Variants in LRBA observed in about 807,000 individuals in gnomAD.
LRBA encodes the protein lipopolysaccharide-responsive and beige-like anchor protein.
A neutral mutation model predicts 330.0 loss-of-function variants in LRBA; 176 were observed. That is an observed-to-expected ratio of 0.53 (90% CI 0.47 to 0.60). The LOEUF (loss-of-function observed/expected upper bound fraction) is 0.60, where lower values mean the gene tolerates loss of function less well. LRBA is among the 20% of genes least tolerant of loss of function. The pLI is 0.00. For synonymous variants in LRBA, 1,230 were observed against 1,193.0 expected (o/e 1.03, Z -0.64); for missense variants, 3,259 against 3,444.8 (o/e 0.95, Z 1.35).
chr4:150,410,754 T>C (rs539842035), intron 47 of LRBA, among the ~76,000 whole-genome samples: 1 of 152,322 alleles, frequency 6.6e-6, no homozygotes, highest in South Asian at 2.1e-4. Flanking sequence ...GAATGAACTA[T>C]TATAATTTGA....
intron 42 of LRBA, among the ~76,000 whole-genome samples, chr4:150,475,810 G>A (rs2152073872): frequency 6.6e-6 from 1 of 152,040 alleles, no homozygotes; most frequent in Non-Finnish European, 1.5e-5. Context: ...AGGCTGAGAT[G>A]GGAGGGTGGC....
rs779532797 is a variant in LRBA at position 150,828,203 on chromosome 4, G to A, written c.5148C>T (p.Pro1716=). The A allele has an allele frequency of 7.8e-5, 126 of 1,614,016 alleles. No homozygotes were observed. Among genetic ancestry groups the A allele is most frequent in the Admixed American group, 1.3e-4 (8 of 59,994 alleles). Residue 1716 remains proline (P), a synonymous_variant, in exon 30 of 57, where the codon CCC becomes CCT. Coordinates refer to ENST00000651943, the MANE Select transcript of LRBA (RefSeq NM_001364905.1). The stretch of plus-strand genomic sequence containing the variant: ...ACCTGTCAAAAGATCTGAACTGCAC[G>A]GGTTGTTCCACAGATAGATCACCAA... The part of the protein sequence containing the change: ...GALGDLSVEQ[P]VQFRSFDRSV...
intron 17 of LRBA, among the ~76,000 whole-genome samples, chr4:150,878,553 C>T (rs1186622636): frequency 4.0e-5 from 6 of 150,610 alleles, no homozygotes; most frequent in Non-Finnish European, 5.9e-5. Context: ...ACCAGCAAAA[C>T]GAAAAGCTGG....
intron 13 of LRBA, 91 bp downstream of exon 13, chr4:150,905,747 A>G: frequency 8.5e-6 from 10 of 1,175,734 alleles, no homozygotes; most frequent in Non-Finnish European, 1.2e-5. Context: ...AATAGTACAT[A>G]AAAAAAAGAA....
intron 2 of LRBA, among the ~76,000 whole-genome samples, chr4:151,011,542 G>A (rs1744839138): frequency 2.0e-5 from 3 of 149,366 alleles, no homozygotes; most frequent in Non-Finnish European, 4.4e-5. Context: ...AGGTTGCAGG[G>A]AGGCAAGGTT....
intron 4 of LRBA, among the ~76,000 whole-genome samples, chr4:150,928,249 T>C (rs541940512): frequency 2.2e-4 from 34 of 152,340 alleles, no homozygotes; most frequent in African/African-American, 7.5e-4. Flanking sequence ...TTTATCTTTT[T>C]TTCTAATAAA....
intron 22 of LRBA, among the ~76,000 whole-genome samples, chr4:150,859,712 T>C (rs1377475509): frequency 3.3e-5 from 5 of 152,202 alleles, no homozygotes; most frequent in South Asian, 2.1e-4. Context: ...AAAACTGCAA[T>C]TGAGTTTCTT....
At chr4:150,917,697 C>G (rs1347035149) in intron 5 of LRBA, among the ~76,000 whole-genome samples, 2 of 152,104 alleles carry the variant, frequency 1.3e-5, no homozygotes, top group African/African-American at 4.8e-5. Context: ...GAGGCCAAGG[C>G]AGGCAGATCA....
At chr4:150,371,602 C>G (rs1740335868) in intron 47 of LRBA, among the ~76,000 whole-genome samples, 1 of 151,974 alleles carries the variant, frequency 6.6e-6, no homozygotes, top group Non-Finnish European at 1.5e-5. Context: ...TGGAGGAACT[C>G]CAGTCTAATG....
chr4:150,281,694 G>C (rs577180260), intron 55 of LRBA, among the ~76,000 whole-genome samples: 2 of 152,266 alleles, frequency 1.3e-5, no homozygotes, highest in African/African-American at 4.8e-5. Flanking sequence ...CCTCCAGCCT[G>C]ATTCTGGAAA....
chr4:150,404,384 AG>A (rs902798889), intron 47 of LRBA, among the ~76,000 whole-genome samples: 1 of 152,222 alleles, frequency 6.6e-6, no homozygotes, highest in African/African-American at 2.4e-5. Context: ...AGTATTTGTA[AG>A]TTTTTAGATT....
At chr4:150,577,979 C>G (rs1045823874) in intron 40 of LRBA, among the ~76,000 whole-genome samples, 1 of 152,178 alleles carries the variant, frequency 6.6e-6, no homozygotes, top group African/African-American at 2.4e-5. Flanking sequence ...TCCATACATT[C>G]CCTGCAGCCG....
intron 34 of LRBA, among the ~76,000 whole-genome samples, chr4:150,766,670 C>T (rs1245734136): frequency 2.6e-5 from 4 of 152,112 alleles, no homozygotes; most frequent in Non-Finnish European, 5.9e-5. Context: ...CTTTCATGAT[C>T]GTTTCAATAT....
At chr4:150,483,318 C>T (rs1178000036) in intron 42 of LRBA, among the ~76,000 whole-genome samples, 1 of 151,960 alleles carries the variant, frequency 6.6e-6, no homozygotes, top group African/African-American at 2.4e-5. Flanking sequence ...GAGTCTATTT[C>T]TGGACTCTGT....
chr4:150,452,760 T>C (rs1039085999), intron 44 of LRBA, among the ~76,000 whole-genome samples: 2 of 152,158 alleles, frequency 1.3e-5, no homozygotes, highest in African/African-American at 4.8e-5. Context: ...TCAGTACTTG[T>C]TAACCTTGTA....
intron 22 of LRBA, among the ~76,000 whole-genome samples, chr4:150,865,784 C>G (rs1752605505): frequency 6.8e-6 from 1 of 147,944 alleles, no homozygotes; most frequent in South Asian, 2.1e-4. Context: ...GGCTCTATCT[C>G]TGCTCACTGC....
intron 42 of LRBA, among the ~76,000 whole-genome samples, chr4:150,483,397 TAA>T (rs1489968840): frequency 6.6e-6 from 1 of 152,040 alleles, no homozygotes; most frequent in Admixed American, 6.6e-5. Context: ...AATTTTATAT[TAA>T]GTCTTTTGTT....
intron 37 of LRBA, among the ~76,000 whole-genome samples, chr4:150,661,078 T>TAAAAAAAAAAAAAAAAA (rs559512113): frequency 9.7e-6 from 1 of 102,624 alleles, no homozygotes; most frequent in Non-Finnish European, 2.0e-5. Flanking sequence ...AAAAATAAAT[T>TAAAAAAAAAAAAAAAAA]AAAAAAAAAA....
intron 47 of LRBA, among the ~76,000 whole-genome samples, chr4:150,381,741 C>T (rs2135780): frequency 0.87 from 132,564 of 152,198 alleles, 58,595 homozygotes; most frequent in Non-Finnish European, 0.96. Flanking sequence ...CTGGGTCACA[C>T]GGTAACTCAA....
Sources: allele counts gnomAD v4.1 joint callset (sites outside exome capture counted in the v4.1 genomes callset), GRCh38; gene constraint gnomAD v4.1.1; transcripts MANE v1.5; gene names NCBI Gene and HGNC (gene_info 2026-07-23, HGNC 2026-07-21).